SMAD9: variants seen among roughly 807,000 people sequenced by gnomAD.
SMAD9 encodes the protein MAD homolog 9.
SMAD9 carries 36 observed loss-of-function variants against 46.1 expected under a neutral mutation model. The ratio of observed to expected loss-of-function variants is 0.78; its 90% CI spans 0.60 to 1.03. SMAD9 has a LOEUF of 1.03. SMAD9 is among the 50% of genes least tolerant of loss of function. The probability of loss-of-function intolerance (pLI) is 0.00; values close to 1 mark genes in which losing one functional copy is unlikely to be tolerated. For missense variants in SMAD9, 572 were observed against 599.8 expected, an observed-to-expected ratio of 0.95 and a Z score of 0.48; for synonymous variants, 245 against 237.1, an observed-to-expected ratio of 1.03 and a Z score of -0.31.
At chr13:36,869,523 G>C (rs1593573674) in intron 3 of SMAD9, among the ~76,000 whole-genome samples, 1 of 152,086 alleles carries the variant, frequency 6.6e-6, no homozygotes, top group Non-Finnish European at 1.5e-5. Context: ...CACCCGGCTA[G>C]ACTGTACTCT....
chr13:36,877,370 G>GA (rs2058355294), intron 2 of SMAD9, among the ~76,000 whole-genome samples: 1 of 152,036 alleles, frequency 6.6e-6, no homozygotes, highest in Non-Finnish European at 1.5e-5. Flanking sequence ...CAAAAGACAT[G>GA]AAAAACTAAA....
At chr13:36,902,995 G>A (rs942555902) in intron 1 of SMAD9, among the ~76,000 whole-genome samples, 6 of 152,132 alleles carry the variant, frequency 3.9e-5, no homozygotes, top group African/African-American at 1.4e-4. Context: ...GAGGATGGGA[G>A]TATAAGAAGC....
At chr13:36,919,230 A>C (rs1237305812) in intron 1 of SMAD9, among the ~76,000 whole-genome samples, 1 of 152,208 alleles carries the variant, frequency 6.6e-6, no homozygotes, top group African/African-American at 2.4e-5. Context: ...AGGAAGGAAT[A>C]GTAACGGGAA....
At chr13:36,895,517 C>T (rs1380120521) in intron 1 of SMAD9, among the ~76,000 whole-genome samples, 1 of 152,146 alleles carries the variant, frequency 6.6e-6, no homozygotes, top group African/African-American at 2.4e-5. Context: ...AAAAATGTCT[C>T]CAGACATTGT....
At chr13:36,918,942 T>G (rs1224274716) in intron 1 of SMAD9, among the ~76,000 whole-genome samples, 1 of 152,188 alleles carries the variant, frequency 6.6e-6, no homozygotes, top group African/African-American at 2.4e-5. Context: ...CCTCCATGCT[T>G]CTTGCTAACC....
chr13:36,859,820 C>A (rs2058162436), intron 5 of SMAD9, among the ~76,000 whole-genome samples: 1 of 151,928 alleles, frequency 6.6e-6, no homozygotes, highest in Non-Finnish European at 1.5e-5. Context: ...ATTAGGAGGG[C>A]ATGGTGGCAC....
At chr13:36,894,025 T>G (rs1442136803) in intron 1 of SMAD9, among the ~76,000 whole-genome samples, 1 of 152,200 alleles carries the variant, frequency 6.6e-6, no homozygotes, top group Non-Finnish European at 1.5e-5. Flanking sequence ...TTAACAATAT[T>G]TCTTATCAGA....
rs2058041645 is a variant in SMAD9, at chr13:36,846,899, C to G, written c.*1777G>C. Reference sequence around the variant, plus strand: ...AACAGATTCACTATTAGGTTCTCGGCTCCCTGAGGGCTGGGACTGTCTCTT... The same window carrying G: ...AACAGATTCACTATTAGGTTCTCGGGTCCCTGAGGGCTGGGACTGTCTCTT... On this transcript the variant is annotated 3_prime_UTR_variant, in exon 7 of 7. Coordinates refer to ENST00000379826, the MANE Select transcript of SMAD9 (RefSeq NM_001127217.3). The G allele has an allele frequency of 6.6e-6, 1 of 152,172 alleles. No homozygotes were observed. Among genetic ancestry groups the G allele is most frequent in the South Asian group, 2.1e-4 (1 of 4,824 alleles). 9.4% of individuals were successfully genotyped at this position (152,172 alleles called of 1,614,324 possible). A position where few individuals can be genotyped will look rare whatever the true frequency, so the allele number is the denominator to read the frequency against.
intron 1 of SMAD9, among the ~76,000 whole-genome samples, chr13:36,884,495 C>G (rs182342310): frequency 6.6e-6 from 1 of 152,300 alleles, no homozygotes; most frequent in Non-Finnish European, 1.5e-5. Context: ...TAAACCCCAA[C>G]TGAGTAAGAA....
At chr13:36,878,519 GATGC>G (rs1430796110) in intron 2 of SMAD9, among the ~76,000 whole-genome samples, 1 of 152,156 alleles carries the variant, frequency 6.6e-6, no homozygotes, top group African/African-American at 2.4e-5. Flanking sequence ...ATTACTTACT[GATGC>G]ATTTCTCAGA....
rs2058036622 is a variant in SMAD9, at chr13:36,846,071, C to CG, written c.*2604dup. On this transcript the variant is annotated 3_prime_UTR_variant, in exon 7 of 7. Transcript: ENST00000379826. ...AACTCCTGGGCTCAGATGATCCTCC[C>CG]GCCTTGGCCTCCCAAAGTGCTGGGA... 1 of 152,076 alleles carries CG rather than the reference C, an allele frequency of 6.6e-6. No individual in the cohort carries two copies. The highest frequency in any genetic ancestry group is 2.1e-4 in the South Asian group (1 of 4,792). The allele number at this position is 152,076 out of a possible 1,614,324, so 9.4% of individuals were successfully genotyped here. A position where few individuals can be genotyped will look rare whatever the true frequency, so the allele number is the denominator to read the frequency against.
At chr13:36,861,504 C>T (rs1426211411) in intron 5 of SMAD9, among the ~76,000 whole-genome samples, 2 of 151,646 alleles carry the variant, frequency 1.3e-5, no homozygotes, top group African/African-American at 4.8e-5. Flanking sequence ...TTAGTAGAGA[C>T]AGAGTTTCAC....
chr13:36,862,974 G>A (rs1476146504), intron 5 of SMAD9, among the ~76,000 whole-genome samples: 1 of 152,182 alleles, frequency 6.6e-6, no homozygotes. Context: ...TTCCACTGTT[G>A]CATCCCTCGT....
At chr13:36,855,251 CAAAAAAAAA>C (rs1198605048) in intron 5 of SMAD9, among the ~76,000 whole-genome samples, 1 of 45,974 alleles carries the variant, frequency 2.2e-5, no homozygotes, top group African/African-American at 8.6e-5. Context: ...GAGTCCATCT[CAAAAAAAAA>C]AAAAAAAAAA....
intron 1 of SMAD9, among the ~76,000 whole-genome samples, chr13:36,889,343 A>G (rs994356046): frequency 3.9e-5 from 6 of 152,294 alleles, no homozygotes; most frequent in East Asian, 1.9e-4. Context: ...CATGCTCAAG[A>G]TAAGTCTTGC....
At chr13:36,851,988 G>T in intron 6 of SMAD9, 1 of 981,114 alleles carries the variant, frequency 1.0e-6, no homozygotes, top group Non-Finnish European at 1.2e-6. Flanking sequence ...AAAACTGTAT[G>T]ATTCAAATGA....
At chr13:36,896,194 A>G (rs2138605063) in intron 1 of SMAD9, among the ~76,000 whole-genome samples, 1 of 152,062 alleles carries the variant, frequency 6.6e-6, no homozygotes, top group Admixed American at 6.5e-5. Flanking sequence ...GTGCAGTGGC[A>G]CGATCTCGGC....
intron 1 of SMAD9, among the ~76,000 whole-genome samples, chr13:36,917,889 G>C (rs1167231423): frequency 6.6e-6 from 1 of 152,038 alleles, no homozygotes; most frequent in Non-Finnish European, 1.5e-5. Context: ...TAAACTATTT[G>C]GAAAACATAT....
Position 36,879,793 on chromosome 13 carries a change from C to G in SMAD9, c.-104G>C. The G allele has an allele frequency of 7.7e-7, 1 of 1,302,640 alleles. No individual in the cohort carries two copies. The highest frequency in any genetic ancestry group is 1.1e-6 in the Non-Finnish European group (1 of 917,790). 80.7% of individuals were successfully genotyped at this position (1,302,640 alleles called of 1,614,324 possible). A position where few individuals can be genotyped will look rare whatever the true frequency, so the allele number is the denominator to read the frequency against. ...GGGGTGGCATAGGGACCAACCCGCC[C>G]GTTCTTCTGGGAGCAGCTGGGACCA... is the stretch of plus-strand genomic sequence containing the variant. On this transcript the variant is annotated 5_prime_UTR_variant, in exon 2 of 7. Coordinates refer to ENST00000379826, the MANE Select transcript of SMAD9 (RefSeq NM_001127217.3).
Sources: allele counts gnomAD v4.1 joint callset (sites outside exome capture counted in the v4.1 genomes callset), GRCh38; gene constraint gnomAD v4.1.1; transcripts MANE v1.5; gene names NCBI Gene and HGNC (gene_info 2026-07-23, HGNC 2026-07-21).